The following IGFL3 variants were observed in gnomAD, a reference collection of about 807,000 sequenced individuals.
The protein encoded by IGFL3 is insulin growth factor-like family member 3.
In IGFL3, 12 loss-of-function variants were observed where a neutral mutation model predicts 17.0. The ratio of observed to expected loss-of-function variants is 0.71; its 90% confidence interval spans 0.45 to 1.14. The LOEUF (loss-of-function observed/expected upper bound fraction) is 1.14. Ranked by LOEUF, IGFL3 falls within the 50% of genes most tolerant of loss-of-function variation. IGFL3 has a pLI of 0.00. For missense variants in IGFL3, 153 were observed against 151.6 expected (o/e 1.01, Z -0.05); for synonymous variants, 52 against 57.4 (o/e 0.91, Z 0.42).
intron 3 of IGFL3, 141 bp downstream of exon 3, chr19:46,123,745 T>G (rs529634236): frequency 2.2e-5 from 20 of 904,982 alleles, no homozygotes; most frequent in East Asian, 1.0e-4. Context: ...CTTATCTGCT[T>G]CTTCTTTTTG....
chr19:46,120,364 C>G lies in IGFL3; in HGVS notation c.351-7G>C, dbSNP rs1311473939. The G allele has an allele frequency of 1.2e-6, 2 of 1,610,834 alleles. No homozygotes were observed. ...CAGGACGTGCCTCCTGTTCCTATCA[C>G]AGTGCCCCAAATCAAAGTGTCTTAA... On this transcript the variant is annotated splice_region_variant and splice_polypyrimidine_tract_variant and intron_variant, in intron 3 of 3. Transcript: ENST00000341415.
Position 46,123,763 on chromosome 19 carries a change from C to T in IGFL3, c.350+123G>A. On this transcript the variant is annotated intron_variant, in intron 3 of 3. Transcript: ENST00000341415. ...ATCTGCTTCTTCTTTTTGCTTTCCC[C>T]TGCTGCCACCAGCCTGACTCTTTTG... 9.7e-6 allele frequency: 11 copies of T among 1,135,424 alleles called. No individual in the cohort carries two copies. In the South Asian group the frequency reaches 1.3e-4, roughly 13 times the overall value. The allele number at this position is 1,135,424 out of a possible 1,614,324, so 70.3% of individuals were successfully genotyped here. A position where few individuals can be genotyped will look rare whatever the true frequency, so the allele number is the denominator to read the frequency against.
intron 3 of IGFL3, among the ~76,000 whole-genome samples, chr19:46,120,993 T>A (rs1173911977): frequency 1.3e-5 from 2 of 150,804 alleles, no homozygotes; most frequent in Non-Finnish European, 2.9e-5. Context: ...TTATTTTTAA[T>A]TCATATCCAA....
At chr19:46,121,841 T>G (rs1373602511) in intron 3 of IGFL3, among the ~76,000 whole-genome samples, 1 of 151,056 alleles carries the variant, frequency 6.6e-6, no homozygotes, top group Non-Finnish European at 1.5e-5. Context: ...AGGTTGGTGC[T>G]TGTGCTGGAG....
In IGFL3 at chr19:46,123,803, C is replaced by T. The variant is rs1971921516; in HGVS notation, c.350+83G>A. 3 of 1,439,408 alleles carry T rather than the reference C, an allele frequency of 2.1e-6. No homozygotes were observed. In the South Asian group the frequency reaches 4.2e-5, roughly 20 times the overall value. The allele number at this position is 1,439,408 out of a possible 1,614,324, so 89.2% of individuals were successfully genotyped here. A position where few individuals can be genotyped will look rare whatever the true frequency, so the allele number is the denominator to read the frequency against. On this transcript the variant is annotated intron_variant, in intron 3 of 3. Transcript: ENST00000341415. ...TGACTCTTTTGCCGTTAGAACTCCA[C>T]AAACAGGAGTTCCTCTTCAAGCCCT...
chr19:46,121,113 C>T (rs1600804378), intron 3 of IGFL3, among the ~76,000 whole-genome samples: 1 of 150,200 alleles, frequency 6.7e-6, no homozygotes, highest in Non-Finnish European at 1.5e-5. Flanking sequence ...AGTGGTGGCT[C>T]ACTCCTATAG....
Position 46,124,640 on chromosome 19 carries a change from G to A in IGFL3, c.10C>T (p.Arg4Ter), listed in dbSNP as rs751310981. The A allele has an allele frequency of 5.0e-6, 8 of 1,608,864 alleles. No homozygotes were observed. In the Admixed American group the frequency reaches 8.4e-5, roughly 17 times the overall value. ...TCCTACTTGCCCAAGATGCAGCATC[G>A]TGGCCTCATGCTTCCAAAGATGCTC... MRP[R>*]CCILALVCWI... The change falls in exon 1 of 4, where the codon CGA (arginine) becomes TGA (stop). Residue 4 changes from arginine to a stop codon, truncating the protein, a stop_gained. Coordinates refer to ENST00000341415, the MANE Select transcript of IGFL3 (RefSeq NM_207393.2). LOFTEE classifies it high-confidence loss of function.
Position 46,120,188 on chromosome 19 carries a change from G to T in IGFL3, c.*142C>A. 8.3e-7 allele frequency: 1 copy of T among 1,200,332 alleles called. No individual in the cohort carries two copies. The highest frequency in any genetic ancestry group is 1.1e-6 in the Non-Finnish European group (1 of 881,740). 74.4% of individuals were successfully genotyped at this position (1,200,332 alleles called of 1,614,324 possible). A position where few individuals can be genotyped will look rare whatever the true frequency, so the allele number is the denominator to read the frequency against. On this transcript the variant is annotated 3_prime_UTR_variant, in exon 4 of 4. Transcript: ENST00000341415. Reference sequence around the variant, plus strand: ...CCCTGAAGTCTGGCCATCCCCAGCTGGGCTCCTCTCCAAAGCTATGTCATT... The same window carrying T: ...CCCTGAAGTCTGGCCATCCCCAGCTTGGCTCCTCTCCAAAGCTATGTCATT...
At chr19:46,123,110 C>T (rs1041921583) in intron 3 of IGFL3, among the ~76,000 whole-genome samples, 1 of 150,784 alleles carries the variant, frequency 6.6e-6, no homozygotes, top group African/African-American at 2.5e-5. Flanking sequence ...ATTATTCCAA[C>T]AGCTACAGGA....
At chr19:46,122,119 A>T (rs1393023924) in intron 3 of IGFL3, among the ~76,000 whole-genome samples, 1 of 150,866 alleles carries the variant, frequency 6.6e-6, no homozygotes, top group Non-Finnish European at 1.5e-5. Flanking sequence ...TACACCTTTA[A>T]TTCCAAGACA....
intron 3 of IGFL3, 39 bp from the exon 4 acceptor site, chr19:46,120,396 A>G (rs2146707156): frequency 6.2e-7 from 1 of 1,609,432 alleles, no homozygotes; most frequent in East Asian, 2.3e-5. Context: ...TTAACAACAT[A>G]TATTCTCAGG....
rs797016212 is a variant in IGFL3, at chr19:46,124,674, T to C, written c.-25A>G. 5 of 1,604,916 alleles carry C rather than the reference T, an allele frequency of 3.1e-6. No homozygotes were observed. The highest frequency in any genetic ancestry group is 1.7e-5 in the Admixed American group (1 of 59,646). On this transcript the variant is annotated 5_prime_UTR_variant, in exon 1 of 4. Coordinates refer to ENST00000341415, the MANE Select transcript of IGFL3 (RefSeq NM_207393.2). ...TGCTTCCAAAGATGCTCTAGGAGAATTGAAGAAGAGTGGTAAAAGGCTGGA... is the reference window on the plus strand; with the variant it reads ...TGCTTCCAAAGATGCTCTAGGAGAACTGAAGAAGAGTGGTAAAAGGCTGGA...
In IGFL3 at chr19:46,123,962, TCTG is replaced by T. The variant is rs773017390; in HGVS notation, c.271_273del (p.Gln91del). 6 of 1,611,404 alleles carry T rather than the reference TCTG, an allele frequency of 3.7e-6. No homozygotes were observed. Among genetic ancestry groups the T allele is most frequent in the South Asian group, 1.1e-5 (1 of 90,882 alleles). On this transcript the variant is annotated inframe_deletion, in exon 3 of 4. Coordinates refer to ENST00000341415, the MANE Select transcript of IGFL3 (RefSeq NM_207393.2). ...AGAACCCTCAACTTCACAAGAAACT[TCTG>T]CTGGGGGCCAAAAGACTCGGGACAG...
In IGFL3 at chr19:46,120,288, C is replaced by T. The variant is rs367976481; in HGVS notation, c.*42G>A. On this transcript the variant is annotated 3_prime_UTR_variant, in exon 4 of 4. Transcript: ENST00000341415. ...TCTCCGATGTCCAGCTGCTTCGTCT[C>T]TTCTCCCCTTGTCTGCCGTCTGCCA... is the stretch of plus-strand genomic sequence containing the variant. The T allele has an allele frequency of 9.6e-5, 155 of 1,610,038 alleles. 5 individuals are homozygous for T. Among genetic ancestry groups the T allele is most frequent in the Admixed American group, 8.1e-4 (48 of 59,488 alleles).
chr19:46,121,786 T>TGCG (rs1478635164), intron 3 of IGFL3, among the ~76,000 whole-genome samples: 1 of 150,944 alleles, frequency 6.6e-6, no homozygotes. Flanking sequence ...AAACAGCAAG[T>TGCG]GCGGAGCTGA....
Position 46,123,911 on chromosome 19 carries a change from A to C in IGFL3, c.325T>G (p.Ser109Ala), listed in dbSNP as rs764367723. The change falls in exon 3 of 4, where the codon TCT becomes GCT. Residue 109 changes from serine (S) to alanine (A), a missense_variant. Ser to Ala is a moderately conservative substitution (Grantham distance 99). Coordinates refer to ENST00000341415, the MANE Select transcript of IGFL3 (RefSeq NM_207393.2). ...VLGMKSQCHL[S>A]PISRSCTRNR... ...CTGGTACAGCTCCGGGAGATGGGAG[A>C]TAAGTGACACTGAGACTTCATACCC... 1 of 1,611,072 alleles carries C rather than the reference A, an allele frequency of 6.2e-7. No homozygotes were observed. Among genetic ancestry groups the C allele is most frequent in the South Asian group, 1.1e-5 (1 of 90,832 alleles).
Position 46,124,641 on chromosome 19 carries a change from T to G in IGFL3, c.9A>C (p.Pro3=). 6.2e-7 allele frequency: 1 copy of G among 1,609,350 alleles called. No homozygotes were observed. Among genetic ancestry groups the G allele is most frequent in the African/African-American group, 1.4e-5 (1 of 73,746 alleles). Residue 3 remains proline (P), a synonymous_variant, in exon 1 of 4, where the codon CCA becomes CCC. Coordinates refer to ENST00000341415, the MANE Select transcript of IGFL3 (RefSeq NM_207393.2). The part of the protein sequence containing the change: MR[P]RCCILALVCW... ...CCTACTTGCCCAAGATGCAGCATCGTGGCCTCATGCTTCCAAAGATGCTCT... is the reference window on the plus strand; with the variant it reads ...CCTACTTGCCCAAGATGCAGCATCGGGGCCTCATGCTTCCAAAGATGCTCT...
At chr19:46,121,693 A>G (rs1370007652) in intron 3 of IGFL3, among the ~76,000 whole-genome samples, 1 of 150,998 alleles carries the variant, frequency 6.6e-6, no homozygotes, top group African/African-American at 2.5e-5. Context: ...TTGTAAAGAA[A>G]GGCAGATTTT....
In IGFL3 at chr19:46,123,979, G is replaced by A. The variant is rs1372924569; in HGVS notation, c.257C>T (p.Ser86Phe). ...AAGAAACTTCTGCTGGGGGCCAAAA[G>A]ACTCGGGACAGCAGAGCTCAAAGCA... is the stretch of plus-strand genomic sequence containing the variant. Reference protein sequence around the residue: ...WPCFELCCPESFGPQQKFLVK... With the variant: ...WPCFELCCPEFFGPQQKFLVK... Residue 86 changes from serine (S) to phenylalanine (F), a missense_variant, in exon 3 of 4, where the codon TCT becomes TTT. By Grantham distance (155) the Ser-to-Phe change is radical. Coordinates refer to ENST00000341415, the MANE Select transcript of IGFL3 (RefSeq NM_207393.2). 6.2e-7 allele frequency: 1 copy of A among 1,611,594 alleles called. No individual in the cohort carries two copies. Among genetic ancestry groups the A allele is most frequent in the East Asian group, 2.3e-5 (1 of 44,416 alleles).
Sources: allele counts gnomAD v4.1 joint callset (sites outside exome capture counted in the v4.1 genomes callset), GRCh38; gene constraint gnomAD v4.1.1; transcripts MANE v1.5; gene names NCBI Gene and HGNC (gene_info 2026-07-23, HGNC 2026-07-21).